Variants in PEX13 observed in about 807,000 individuals in gnomAD.
PEX13 encodes peroxisome biogenesis factor 13.
A neutral mutation model predicts 34.5 loss-of-function variants in PEX13; 28 were observed. The ratio of observed to expected loss-of-function variants is 0.81; its 90% CI spans 0.60 to 1.11. The LOEUF is 1.11. Ranked by LOEUF, PEX13 falls within the 50% of genes most tolerant of loss-of-function variation. The pLI is 0.00. For missense variants in PEX13, 550 were observed against 491.0 expected (o/e 1.12, Z -1.13); for synonymous variants, 177 against 175.1 (o/e 1.01, Z -0.09).
chr2:61,038,673 G>T (rs1680573502), intron 2 of PEX13, among the ~76,000 whole-genome samples: 1 of 152,152 alleles, frequency 6.6e-6, no homozygotes, highest in African/African-American at 2.4e-5. Flanking sequence ...AAAACTGGAA[G>T]CATTCCCTTT....
chr2:61,024,758 G>A (rs570814964), intron 1 of PEX13, among the ~76,000 whole-genome samples: 11 of 152,092 alleles, frequency 7.2e-5, no homozygotes, highest in South Asian at 2.1e-4. Flanking sequence ...GCAGTGAGCC[G>A]AGATCACGCC....
intron 1 of PEX13, among the ~76,000 whole-genome samples, chr2:61,020,226 AAAC>A (rs961619899): frequency 3.3e-5 from 5 of 152,178 alleles, no homozygotes; most frequent in Non-Finnish European, 7.4e-5. Flanking sequence ...ACTCCATCTC[AAAC>A]AACAACAACA....
intron 2 of PEX13, among the ~76,000 whole-genome samples, chr2:61,032,980 A>G (rs889668873): frequency 3.3e-5 from 5 of 152,198 alleles, no homozygotes; most frequent in African/African-American, 1.2e-4. Context: ...AGAAGCTCTT[A>G]ATTGGCATTA....
intron 2 of PEX13, among the ~76,000 whole-genome samples, chr2:61,040,750 T>A (rs1559042019): frequency 1.4e-5 from 2 of 148,096 alleles, no homozygotes; most frequent in African/African-American, 2.5e-5. Flanking sequence ...TAAATATATA[T>A]ATAGGTATAT....
chr2:61,029,181 G>GT (rs1377833923), intron 1 of PEX13, among the ~76,000 whole-genome samples: 2 of 148,014 alleles, frequency 1.4e-5, no homozygotes, highest in Middle Eastern at 3.6e-3. Flanking sequence ...AGTGGGCAAA[G>GT]TATCTGAATA....
At position 61,051,789 on chromosome 2, in the gene PEX13, T is replaced by C. The variant is rs1680803469; in HGVS notation, c.*3019T>C. 1 of 152,370 alleles carries C rather than the reference T, an allele frequency of 6.6e-6. No homozygotes were observed. Among genetic ancestry groups the C allele is most frequent in the Non-Finnish European group, 1.5e-5 (1 of 68,028 alleles). The allele number at this position is 152,370 out of a possible 1,614,324, so 9.4% of individuals were successfully genotyped here. A position where few individuals can be genotyped will look rare whatever the true frequency, so the allele number is the denominator to read the frequency against. ...TTCAGAAAGGAAATGGTAAAAGAAC[T>C]ATACATTTTCATGTTTTAACATTTT... On this transcript the variant is annotated 3_prime_UTR_variant, in exon 4 of 4. Coordinates refer to ENST00000295030, the MANE Select transcript of PEX13 (RefSeq NM_002618.4).
At chr2:61,017,947 C>A in intron 1 of PEX13, 96 bp downstream of exon 1, 6 of 1,384,278 alleles carry the variant, frequency 4.3e-6, no homozygotes, top group Admixed American at 2.0e-5. Context: ...GTATTCCCTT[C>A]CCCCCTTTAA....
Position 61,031,672 on chromosome 2 carries a change from A to G in PEX13, c.346A>G (p.Ser116Gly). ...NRLRVDDLPPSRFVQQAEESS... is the reference protein window; with the variant it reads ...NRLRVDDLPPGRFVQQAEESS... ...CCTCCGTGTAGATGATCTTCCACCC[A>G]GTAGATTTGTTCAGCAAGCTGAAGA... Residue 116 changes from serine (S) to glycine (G), a missense_variant, in exon 2 of 4, where the codon AGT (serine) becomes GGT (glycine). Ser to Gly is a moderately conservative substitution (Grantham distance 56). Transcript: ENST00000295030. 1.2e-6 allele frequency: 2 copies of G among 1,613,830 alleles called. No homozygotes were observed. Among genetic ancestry groups the G allele is most frequent in the East Asian group, 4.5e-5 (2 of 44,860 alleles).
At chr2:61,046,962 A>C (rs1214613213) in intron 3 of PEX13, among the ~76,000 whole-genome samples, 2 of 152,224 alleles carry the variant, frequency 1.3e-5, no homozygotes, top group Non-Finnish European at 2.9e-5. Flanking sequence ...CAGTGTGTGC[A>C]CCTATAGTCC....
intron 3 of PEX13, among the ~76,000 whole-genome samples, chr2:61,046,717 A>G (rs879172613): frequency 6.6e-6 from 1 of 152,220 alleles, no homozygotes; most frequent in Non-Finnish European, 1.5e-5. Context: ...GAACTGGACT[A>G]TGAATCTAGG....
intron 1 of PEX13, among the ~76,000 whole-genome samples, chr2:61,020,143 G>A (rs539500462): frequency 2.0e-3 from 309 of 152,208 alleles, no homozygotes; most frequent in African/African-American, 7.2e-3. Flanking sequence ...GGAGAATGGC[G>A]TGAACCCACG....
At chr2:61,020,408 T>C (rs1005344567) in intron 1 of PEX13, among the ~76,000 whole-genome samples, 1 of 152,170 alleles carries the variant, frequency 6.6e-6, no homozygotes, top group African/African-American at 2.4e-5. Flanking sequence ...TTAATGTAAA[T>C]ATTATGTACA....
At chr2:61,028,672 C>T (rs188892481) in intron 1 of PEX13, among the ~76,000 whole-genome samples, 137 of 150,402 alleles carry the variant, frequency 9.1e-4, no homozygotes, top group Admixed American at 3.3e-4. Flanking sequence ...CAGGCATGAG[C>T]CACCATGCCT....
intron 1 of PEX13, among the ~76,000 whole-genome samples, chr2:61,026,493 G>T (rs962883997): frequency 2.0e-5 from 3 of 151,622 alleles, no homozygotes; most frequent in African/African-American, 4.8e-5. Flanking sequence ...GATTACAGGC[G>T]CCCACCACCA....
Position 61,031,965 on chromosome 2 carries a change from G to C in PEX13, c.639G>C (p.Glu213Asp). Residue 213 changes from glutamate to aspartate, a missense_variant, in exon 2 of 4, where the codon GAG becomes GAC. By Grantham distance (45) the Glu-to-Asp change is conservative. Transcript: ENST00000295030. ...RGSENEDLWA[E>D]SEGTVACLGA... ...CTGAGAATGAAGACCTCTGGGCAGAGAGTGAAGGAACTGTGGCATGCCTTG... is the reference window on the plus strand; with the variant it reads ...CTGAGAATGAAGACCTCTGGGCAGACAGTGAAGGAACTGTGGCATGCCTTG... 6.2e-7 allele frequency: 1 copy of C among 1,614,102 alleles called. No homozygotes were observed. The highest frequency in any genetic ancestry group is 8.5e-7 in the Non-Finnish European group (1 of 1,179,948).
intron 1 of PEX13, among the ~76,000 whole-genome samples, chr2:61,027,502 A>G (rs1321547859): frequency 6.6e-6 from 1 of 152,186 alleles, no homozygotes; most frequent in African/African-American, 2.4e-5. Flanking sequence ...TTAAACTGTC[A>G]TCAGCAAATT....
rs757604504 is a variant in PEX13, at chr2:61,031,447, A to G, written c.121A>G (p.Thr41Ala). The change falls in exon 2 of 4, where the codon ACA becomes GCA. Residue 41 changes from threonine to alanine, a missense_variant. Transcript: ENST00000295030. ...QSADLGPTLMTRPGQPALTRV... is the reference protein window; with the variant it reads ...QSADLGPTLMARPGQPALTRV... The stretch of plus-strand genomic sequence containing the variant: ...TGCTGATTTGGGTCCTACTTTAATG[A>G]CAAGACCTGGACAACCAGCACTTAC... The G allele has an allele frequency of 6.2e-7, 1 of 1,614,170 alleles. No homozygotes were observed. Among genetic ancestry groups the G allele is most frequent in the Non-Finnish European group, 8.5e-7 (1 of 1,180,000 alleles).
chr2:61,034,543 C>G (rs1452338482), intron 2 of PEX13, among the ~76,000 whole-genome samples: 1 of 152,174 alleles, frequency 6.6e-6, no homozygotes, highest in East Asian at 1.9e-4. Flanking sequence ...AGGGGATTTC[C>G]CTTTCCTAGC....
chr2:61,036,269 A>T (rs1174107038), intron 2 of PEX13, among the ~76,000 whole-genome samples: 1 of 152,198 alleles, frequency 6.6e-6, no homozygotes, highest in Non-Finnish European at 1.5e-5. Context: ...CAAATTCAGG[A>T]AATACAGAGA....
Sources: gnomAD v4.1 joint callset for allele counts (sites outside exome capture counted in the v4.1 genomes callset) on GRCh38, gnomAD v4.1.1 for gene constraint, MANE v1.5 for transcripts, NCBI Gene and HGNC (gene_info 2026-07-23, HGNC 2026-07-21) for gene names.